AGAP1: variants seen among roughly 807,000 people sequenced by gnomAD.
The protein encoded by AGAP1 is ArfGAP with GTPase domain, ankyrin repeat and PH domain 1.
AGAP1 carries 29 observed loss-of-function variants against 105.3 expected under a neutral mutation model. That is an observed-to-expected ratio of 0.28 (90% CI 0.21 to 0.38). The LOEUF (loss-of-function observed/expected upper bound fraction) is 0.38, where lower values mean the gene tolerates loss of function less well. Among genes scored for constraint, AGAP1 ranks in the 10% least tolerant of loss-of-function variants. The pLI, the probability that AGAP1 is intolerant of heterozygous loss-of-function variation, is 1.00. For synonymous variants in AGAP1, 509 were observed against 485.9 expected, an observed-to-expected ratio of 1.05 and a Z score of -0.63; for missense variants, 998 against 1,165.1, an observed-to-expected ratio of 0.86 and a Z score of 2.09.
intron 9 of AGAP1, among the ~76,000 whole-genome samples, chr2:235,841,886 T>C (rs1486704084): frequency 6.6e-6 from 1 of 152,140 alleles, no homozygotes; most frequent in Admixed American, 6.5e-5. Flanking sequence ...TCCTCACCCG[T>C]ATCCTGCTGC....
At position 235,801,624 on chromosome 2, in the gene AGAP1, G is replaced by C. The variant is rs1441064721; in HGVS notation, c.957+2102G>C. Reference sequence around the variant, plus strand: ...GGGGCTTTGGGTTGAAGTGTTTCCTGCTAGAACAGGCTGCACAGTGACTCG... The same window carrying C: ...GGGGCTTTGGGTTGAAGTGTTTCCTCCTAGAACAGGCTGCACAGTGACTCG... On this transcript the variant is annotated intron_variant, in intron 8 of 17. Coordinates refer to ENST00000304032, the MANE Select transcript of AGAP1 (RefSeq NM_001037131.3). This position sits in a 1 kb window ranked among gnomAD's most constrained non-coding sequence, Gnocchi z 6.0. 6.6e-6 allele frequency among the ~76,000 whole-genome samples: 1 copy of C among 152,014 alleles called. No homozygotes were observed. Among genetic ancestry groups the C allele is most frequent in the Non-Finnish European group, 1.5e-5 (1 of 68,022 alleles).
At position 235,959,739 on chromosome 2, in the gene AGAP1, C is replaced by T. The variant is rs528645203; in HGVS notation, c.1484-8723C>T. The stretch of plus-strand genomic sequence containing the variant: ...TAGCCGGTTCCCCTGCTGCTGCAGC[C>T]GGGCCCTCCCACAGGCAAGCATCTG... On this transcript the variant is annotated intron_variant, in intron 12 of 17. Transcript: ENST00000304032. The surrounding 1 kb of genome is among the most constrained non-coding windows in gnomAD (Gnocchi z 7.3). 7.2e-5 allele frequency among the ~76,000 whole-genome samples: 11 copies of T among 152,184 alleles called. No individual in the cohort carries two copies. Among genetic ancestry groups the T allele is most frequent in the South Asian group, 2.1e-4 (1 of 4,828 alleles).
intron 6 of AGAP1, among the ~76,000 whole-genome samples, chr2:235,759,261 T>TGGGTTCAC (rs1954209704): frequency 6.7e-6 from 1 of 148,856 alleles, no homozygotes; most frequent in Non-Finnish European, 1.5e-5. Context: ...CTCCACCTCC[T>TGGGTTCAC]GGGTTCACAC....
rs560180871 is a variant in AGAP1, at chr2:235,534,856, G to A, written c.163+40007G>A. Among the ~76,000 whole-genome samples the A allele has an allele frequency of 5.9e-5, 9 of 152,298 alleles. 1 individual carries two copies. The South Asian group carries it at 1.7e-3, about 28-fold the overall frequency. ...TAGCAGTCTACATCTTTAGCTGTCA[G>A]GGTATCTCGTTGTAGCCTCATCCTG... On this transcript the variant is annotated intron_variant, in intron 1 of 17. Coordinates refer to ENST00000304032, the MANE Select transcript of AGAP1 (RefSeq NM_001037131.3).
In AGAP1 at chr2:235,553,531, A is replaced by T. The variant is rs1030913674; in HGVS notation, c.163+58682A>T. Among the ~76,000 whole-genome samples the T allele has an allele frequency of 6.6e-6, 1 of 152,020 alleles. No individual in the cohort carries two copies. Among genetic ancestry groups the T allele is most frequent in the Non-Finnish European group, 1.5e-5 (1 of 68,022 alleles). ...AACAATTGCTTCTGCTAGAATCATCATTGTCAATATTAAGAAGGCGAGTCC... is the reference window on the plus strand; with the variant it reads ...AACAATTGCTTCTGCTAGAATCATCTTTGTCAATATTAAGAAGGCGAGTCC... On this transcript the variant is annotated intron_variant, in intron 1 of 17. Transcript: ENST00000304032. This position sits in a 1 kb window ranked among gnomAD's most constrained non-coding sequence, Gnocchi z 4.5.
At chr2:235,593,299 G>T (rs894270480) in intron 1 of AGAP1, among the ~76,000 whole-genome samples, 1 of 152,188 alleles carries the variant, frequency 6.6e-6, no homozygotes, top group African/African-American at 2.4e-5. Flanking sequence ...TTAACGCAGA[G>T]ACCCGAGACT....
rs905587190 is a variant in AGAP1 at position 235,891,583 on chromosome 2, A to T, written c.1155+8134A>T. 4.6e-5 allele frequency among the ~76,000 whole-genome samples: 7 copies of T among 152,166 alleles called. No homozygotes were observed. Among genetic ancestry groups the T allele is most frequent in the Admixed American group, 3.3e-4 (5 of 15,280 alleles). On this transcript the variant is annotated intron_variant, in intron 10 of 17. Transcript: ENST00000304032. This position sits in a 1 kb window ranked among gnomAD's most constrained non-coding sequence, Gnocchi z 4.2. ...GCTTCACAGTTCAGCGTGGCCACCT[A>T]TTCATCTTCCATGTCGCAAGCACGG...
chr2:235,638,840 T>C (rs761585879), intron 1 of AGAP1, among the ~76,000 whole-genome samples: 2 of 152,190 alleles, frequency 1.3e-5, no homozygotes, highest in Admixed American at 6.5e-5. Flanking sequence ...GCCTCAGCAC[T>C]ATTGACATTT....
At chr2:235,923,143 C>T (rs1197032579) in intron 11 of AGAP1, among the ~76,000 whole-genome samples, 2 of 152,152 alleles carry the variant, frequency 1.3e-5, no homozygotes, top group African/African-American at 2.4e-5. Flanking sequence ...GCCATGTCGT[C>T]AGTCATGTAT....
At position 236,113,116 on chromosome 2, in the gene AGAP1, A is replaced by G. The variant is rs1450770726; in HGVS notation, c.2115-7076A>G. Reference sequence around the variant, plus strand: ...GCCACCACTCTGCCGTCACGTGTGCATCTTGTTCCACATTAGATATGGAGT... The same window carrying G: ...GCCACCACTCTGCCGTCACGTGTGCGTCTTGTTCCACATTAGATATGGAGT... On this transcript the variant is annotated intron_variant, in intron 16 of 17. Coordinates refer to ENST00000304032, the MANE Select transcript of AGAP1 (RefSeq NM_001037131.3). This position sits in a 1 kb window ranked among gnomAD's most constrained non-coding sequence, Gnocchi z 4.3. Among the ~76,000 whole-genome samples, 2 of 152,102 alleles carry G rather than the reference A, an allele frequency of 1.3e-5. No individual in the cohort carries two copies. Among genetic ancestry groups the G allele is most frequent in the African/African-American group, 4.8e-5 (2 of 41,406 alleles).
chr2:235,563,977 C>T (rs1373715868), intron 1 of AGAP1, among the ~76,000 whole-genome samples: 2 of 152,032 alleles, frequency 1.3e-5, no homozygotes, highest in Non-Finnish European at 2.9e-5. Flanking sequence ...ATTCCCAGAC[C>T]CATCCTCAGA....
rs2054236479 is a variant in AGAP1 at position 235,962,545 on chromosome 2, A to T, written c.1484-5917A>T. On this transcript the variant is annotated intron_variant, in intron 12 of 17. Coordinates refer to ENST00000304032, the MANE Select transcript of AGAP1 (RefSeq NM_001037131.3). The surrounding 1 kb of genome is among the most constrained non-coding windows in gnomAD (Gnocchi z 5.3). ...CTGGGGAGGCAGGGGTGGGGGTGGC[A>T]GTTAGACCCTAGAAACTGTGGTTCT... 6.6e-6 allele frequency among the ~76,000 whole-genome samples: 1 copy of T among 151,980 alleles called. No individual in the cohort carries two copies. The highest frequency in any genetic ancestry group is 1.5e-5 in the Non-Finnish European group (1 of 67,970).
At chr2:235,597,579 T>C (rs978963994) in intron 1 of AGAP1, among the ~76,000 whole-genome samples, 1 of 152,218 alleles carries the variant, frequency 6.6e-6, no homozygotes. Context: ...TACTGCACAA[T>C]TGATACTATT....
At chr2:236,041,199 A>C (rs1485204877) in intron 15 of AGAP1, among the ~76,000 whole-genome samples, 2 of 152,156 alleles carry the variant, frequency 1.3e-5, no homozygotes, top group Non-Finnish European at 2.9e-5. Context: ...CCGTCTCTAC[A>C]GAAAATTAAA....
At chr2:235,675,448 G>C (rs1298581724) in intron 1 of AGAP1, among the ~76,000 whole-genome samples, 1 of 152,134 alleles carries the variant, frequency 6.6e-6, no homozygotes, top group East Asian at 1.9e-4. Context: ...CAAGGTGCTG[G>C]GATTACAAGC....
rs568669809 is a variant in AGAP1 at position 235,740,896 on chromosome 2, C to G, written c.311-67C>G. On this transcript the variant is annotated intron_variant, in intron 3 of 17. Transcript: ENST00000304032. This position sits in a 1 kb window ranked among gnomAD's most constrained non-coding sequence, Gnocchi z 5.7. ...GGGTGTATTTTTCCACAAGCGAAGC[C>G]CACGTCTGTCTGCCCTCCTCACTCT... 8 of 1,598,926 alleles carry G rather than the reference C, an allele frequency of 5.0e-6. No homozygotes were observed. In the East Asian group the frequency reaches 1.6e-4, roughly 31 times the overall value.
intron 15 of AGAP1, among the ~76,000 whole-genome samples, chr2:236,048,269 G>C (rs1356803630): frequency 1.3e-5 from 2 of 152,256 alleles, no homozygotes; most frequent in Non-Finnish European, 2.9e-5. Flanking sequence ...ATGCCAGCCA[G>C]TTTCACGCAG....
rs181162707 is a variant in AGAP1 at position 236,051,548 on chromosome 2, C to T, written c.2114+2267C>T. On this transcript the variant is annotated intron_variant, in intron 16 of 17. Coordinates refer to ENST00000304032, the MANE Select transcript of AGAP1 (RefSeq NM_001037131.3). This position sits in a 1 kb window ranked among gnomAD's most constrained non-coding sequence, Gnocchi z 5.9. ...GGAGTGGCCTCGGTGGATGCAGGCT[C>T]GGCCGGGCCTGTGGGGAGGTGTGCC... Among the ~76,000 whole-genome samples the T allele has an allele frequency of 6.4e-4, 98 of 152,182 alleles. No homozygotes were observed. Among genetic ancestry groups the T allele is most frequent in the African/African-American group, 1.7e-3 (70 of 41,530 alleles).
At chr2:235,668,298 A>G (rs1163253675) in intron 1 of AGAP1, among the ~76,000 whole-genome samples, 2 of 152,208 alleles carry the variant, frequency 1.3e-5, no homozygotes, top group East Asian at 3.9e-4. Context: ...AACTTCTATA[A>G]CTTCCTTCAA....
Sources: allele counts gnomAD v4.1 joint callset (sites outside exome capture counted in the v4.1 genomes callset), GRCh38; gene constraint gnomAD v4.1.1; non-coding constraint Gnocchi (gnomAD v3.1); transcripts MANE v1.5; gene names NCBI Gene and HGNC (gene_info 2026-07-23, HGNC 2026-07-21).